Variants in DIP2C observed in about 807,000 individuals in gnomAD.
DIP2C encodes DIP2 acetate--CoA ligase C (putative), also known as disco-interacting protein 2 homolog C.
A neutral mutation model predicts 192.4 loss-of-function variants in DIP2C; 33 were observed. The observed-to-expected ratio is 0.17, with a 90% CI of 0.13 to 0.23. The LOEUF (loss-of-function observed/expected upper bound fraction) is 0.23, where lower values mean the gene tolerates loss of function less well. Among genes scored for constraint, DIP2C ranks in the 10% least tolerant of loss-of-function variants. The pLI is 1.00. For synonymous variants in DIP2C, 979 were observed against 864.1 expected, an observed-to-expected ratio of 1.13 and a Z score of -2.33; for missense variants, 1,537 against 2,110.1, an observed-to-expected ratio of 0.73 and a Z score of 5.32.
At chr10:336,893 C>CAG (rs1564573981) in intron 29 of DIP2C, among the ~76,000 whole-genome samples, 2 of 54,744 alleles carry the variant, frequency 3.7e-5, no homozygotes, top group South Asian at 1.1e-3. Flanking sequence ...GAGGCCTAGG[C>CAG]AGGTGTGTGT....
intron 24 of DIP2C, among the ~76,000 whole-genome samples, chr10:353,027 TG>T (rs1413668475): frequency 6.6e-6 from 1 of 152,186 alleles, no homozygotes; most frequent in Non-Finnish European, 1.5e-5. Context: ...CGTCATTCTC[TG>T]GCATCCTCAT....
intron 2 of DIP2C, among the ~76,000 whole-genome samples, chr10:485,164 T>C (rs1843921195): frequency 6.6e-6 from 1 of 152,230 alleles, no homozygotes; most frequent in African/African-American, 2.4e-5. Flanking sequence ...GAACCGCTTC[T>C]GTTTCACTTT....
intron 10 of DIP2C, among the ~76,000 whole-genome samples, chr10:391,829 C>T (rs1404173869): frequency 6.6e-6 from 1 of 152,126 alleles, no homozygotes; most frequent in African/African-American, 2.4e-5. Flanking sequence ...CCACCTGTTC[C>T]CTGATAACAG....
Position 549,196 on chromosome 10 carries a change from A to G in DIP2C, c.86-62666T>C, listed in dbSNP as rs1439749412. On this transcript the variant is annotated intron_variant, in intron 1 of 36. Transcript: ENST00000280886. ...AATTCAATCAACTGCTAAGTGCGAT[A>G]AAGTTACTTTTTCATTATTGCTTCC... Among the ~76,000 whole-genome samples the G allele has an allele frequency of 8.5e-5, 13 of 152,202 alleles. No individual in the cohort carries two copies. In the East Asian group the frequency reaches 2.5e-3, roughly 29 times the overall value.
chr10:356,545 T>C (rs201131772), intron 23 of DIP2C, 39 bp from the exon 24 acceptor site: 35 of 1,578,180 alleles, frequency 2.2e-5, no homozygotes, highest in Admixed American at 3.4e-5. Flanking sequence ...GGCTGTGCGG[T>C]TGGATCAGGC....
intron 1 of DIP2C, among the ~76,000 whole-genome samples, chr10:622,871 G>T (rs1853958745): frequency 1.3e-5 from 2 of 152,162 alleles, no homozygotes; most frequent in Non-Finnish European, 2.9e-5. Flanking sequence ...CTGGGTATGG[G>T]GTGATGGGGA....
At chr10:367,528 T>G (rs1433826848) in intron 18 of DIP2C, among the ~76,000 whole-genome samples, 1 of 151,946 alleles carries the variant, frequency 6.6e-6, no homozygotes, top group Non-Finnish European at 1.5e-5. Flanking sequence ...GAGAAAGAAG[T>G]GCTGCTGCTT....
intron 33 of DIP2C, among the ~76,000 whole-genome samples, chr10:286,594 C>G (rs1439486351): frequency 6.6e-6 from 1 of 152,136 alleles, no homozygotes; most frequent in African/African-American, 2.4e-5. Context: ...CAAAATTAAA[C>G]ATTTTGATTG....
In DIP2C at chr10:338,424, GTTTTT is replaced by G. The variant is rs77305538; in HGVS notation, c.3584+2770_3584+2774del. Among the ~76,000 whole-genome samples the G allele has an allele frequency of 7.2e-4, 104 of 144,054 alleles. 1 individual carries two copies. The South Asian group carries it at 0.022, about 30-fold the overall frequency. The allele number at this position is 144,054 out of a possible 152,430, so 94.5% of individuals were successfully genotyped here. A position where few individuals can be genotyped will look rare whatever the true frequency, so the allele number is the denominator to read the frequency against. On this transcript the variant is annotated intron_variant, in intron 29 of 36. Coordinates refer to ENST00000280886, the MANE Select transcript of DIP2C (RefSeq NM_014974.3). The stretch of plus-strand genomic sequence containing the variant: ...CCAGTCATGGGAAATGCCCTACACA[GTTTTT>G]TTTTTTTTTTCCCACCTTCTATACC...
intron 26 of DIP2C, 175 bp from the exon 27 acceptor site, chr10:345,285 G>A (rs1958384245): frequency 5.6e-6 from 4 of 715,356 alleles, no homozygotes; most frequent in Non-Finnish European, 1.0e-5. Flanking sequence ...GTCTAGTTGT[G>A]GAGGCACGGG....
intron 3 of DIP2C, among the ~76,000 whole-genome samples, chr10:454,383 A>C (rs939631906): frequency 1.3e-5 from 2 of 152,224 alleles, no homozygotes; most frequent in Admixed American, 1.3e-4. Context: ...AAAATACTAA[A>C]AAGGGATAAA....
At chr10:280,160 C>A (rs1457976577) in intron 36 of DIP2C, among the ~76,000 whole-genome samples, 2 of 152,144 alleles carry the variant, frequency 1.3e-5, no homozygotes, top group African/African-American at 4.8e-5. Flanking sequence ...CACACGAACA[C>A]GGACAGGTAT....
chr10:448,147 G>A lies in DIP2C; in HGVS notation c.269-7151C>T, dbSNP rs534922310. Among the ~76,000 whole-genome samples, 21 of 124,928 alleles carry A rather than the reference G, an allele frequency of 1.7e-4. 3 individuals are homozygous for A. The highest frequency in any genetic ancestry group is 8.7e-4 in the African/African-American group (20 of 23,090). 82.0% of individuals were successfully genotyped at this position (124,928 alleles called of 152,430 possible). On this transcript the variant is annotated intron_variant, in intron 3 of 36. Transcript: ENST00000280886. ...TCTATACTCAGGATCACACACAGTG[G>A]GGCAGCAGGACCCGCTCACTCCCGT... is the stretch of plus-strand genomic sequence containing the variant.
At chr10:318,333 G>T (rs755752228) in intron 31 of DIP2C, among the ~76,000 whole-genome samples, 1 of 152,172 alleles carries the variant, frequency 6.6e-6, no homozygotes, top group Admixed American at 6.5e-5. Context: ...GTGGGGAGAC[G>T]ATCAACCAGT....
At chr10:516,113 T>C (rs1846331944) in intron 1 of DIP2C, among the ~76,000 whole-genome samples, 2 of 150,198 alleles carry the variant, frequency 1.3e-5, no homozygotes, top group African/African-American at 4.9e-5. Flanking sequence ...CTGGCATGAC[T>C]TGGGTCTCTG....
At chr10:405,512 A>G (rs1964739513) in intron 9 of DIP2C, among the ~76,000 whole-genome samples, 1 of 152,190 alleles carries the variant, frequency 6.6e-6, no homozygotes, top group African/African-American at 2.4e-5. Context: ...TTTTTTTGCA[A>G]TTTGTTTTAA....
chr10:417,696 G>GTTCCTGTCAGGGCTTCGATAGGTC (rs1965774377), intron 6 of DIP2C, among the ~76,000 whole-genome samples: 1 of 135,486 alleles, frequency 7.4e-6, no homozygotes, highest in African/African-American at 2.9e-5. Flanking sequence ...CTGTCCGCCT[G>GTTCCTGTCAGGGCTTCGATAGGTC]TGCCTGTCGG....
intron 3 of DIP2C, among the ~76,000 whole-genome samples, chr10:471,914 G>A (rs1032480057): frequency 5.3e-5 from 8 of 152,100 alleles, no homozygotes; most frequent in African/African-American, 9.7e-5. Context: ...CACCACGCCC[G>A]ACAGCCTAAG....
intron 1 of DIP2C, among the ~76,000 whole-genome samples, chr10:660,628 C>T (rs763034193): frequency 5.3e-5 from 8 of 152,176 alleles, no homozygotes; most frequent in Non-Finnish European, 1.2e-4. Flanking sequence ...AAATGTGCAC[C>T]TGCTTTTCAA....
Sources: gnomAD v4.1 joint callset for allele counts (sites outside exome capture counted in the v4.1 genomes callset) on GRCh38, gnomAD v4.1.1 for gene constraint, MANE v1.5 for transcripts, NCBI Gene and HGNC (gene_info 2026-07-23, HGNC 2026-07-21) for gene names.